The following CFAP70 variants were observed in gnomAD, a reference collection of about 807,000 sequenced individuals.
The protein encoded by CFAP70 is cilia and flagella associated protein 70.
CFAP70 carries 81 observed loss-of-function variants against 137.6 expected under a neutral mutation model. The observed-to-expected ratio is 0.59, with a 90% CI of 0.49 to 0.71. CFAP70 has a LOEUF of 0.71. Among genes scored for constraint, CFAP70 ranks in the 30% least tolerant of loss-of-function variants. The pLI is 0.00. For missense variants in CFAP70, 976 were observed against 1,226.7 expected (o/e 0.80, Z 3.05); for synonymous variants, 382 against 423.6 (o/e 0.90, Z 1.20).
intron 5 of CFAP70, among the ~76,000 whole-genome samples, chr10:73,342,484 T>C (rs527778551): frequency 2.2e-4 from 33 of 152,154 alleles, no homozygotes; most frequent in African/African-American, 7.9e-4. Flanking sequence ...TCAAGGTTAC[T>C]GTAATCTATG....
chr10:73,308,096 G>A (rs760810036), intron 12 of CFAP70, among the ~76,000 whole-genome samples: 15 of 151,288 alleles, frequency 9.9e-5, no homozygotes, highest in South Asian at 4.2e-4. Flanking sequence ...CAGAGGTTGC[G>A]GTGAGCCAAG....
At chr10:73,270,708 G>T (rs1242328275) in intron 24 of CFAP70, among the ~76,000 whole-genome samples, 1 of 150,872 alleles carries the variant, frequency 6.6e-6, no homozygotes, top group African/African-American at 2.4e-5. Flanking sequence ...GCTAATTTTT[G>T]TATTTTTAGT....
At chr10:73,258,927 C>T (rs1174827082) in intron 25 of CFAP70, among the ~76,000 whole-genome samples, 4 of 152,202 alleles carry the variant, frequency 2.6e-5, no homozygotes, top group Admixed American at 6.5e-5. Context: ...ATTGATAATG[C>T]GTGCCCAGTG....
chr10:73,318,712 T>G (rs1197083936), intron 9 of CFAP70, among the ~76,000 whole-genome samples: 1 of 152,222 alleles, frequency 6.6e-6, no homozygotes, highest in Non-Finnish European at 1.5e-5. Context: ...GCTGCCTGAA[T>G]GGGTTATCAA....
At chr10:73,290,557 A>T (rs997318386) in intron 19 of CFAP70, among the ~76,000 whole-genome samples, 1 of 152,214 alleles carries the variant, frequency 6.6e-6, no homozygotes, top group African/African-American at 2.4e-5. Context: ...TGAAATGTCA[A>T]TTACACCTCA....
At chr10:73,299,312 AC>A (rs1163777369) in intron 13 of CFAP70, among the ~76,000 whole-genome samples, 4 of 151,992 alleles carry the variant, frequency 2.6e-5, no homozygotes, top group Admixed American at 2.6e-4. Context: ...GCCTCAAGCA[AC>A]CCTCCTGCCT....
chr10:73,272,599 T>C (rs1007695540), intron 24 of CFAP70, among the ~76,000 whole-genome samples: 12 of 152,222 alleles, frequency 7.9e-5, no homozygotes, highest in African/African-American at 2.9e-4. Flanking sequence ...ATTTCTTTAA[T>C]TGACTTGAAT....
intron 25 of CFAP70, among the ~76,000 whole-genome samples, chr10:73,266,946 C>A (rs2045834726): frequency 6.7e-6 from 1 of 149,512 alleles, no homozygotes; most frequent in Non-Finnish European, 1.5e-5. Flanking sequence ...CCCTTTACTA[C>A]TTTATTTATT....
intron 19 of CFAP70, among the ~76,000 whole-genome samples, chr10:73,283,932 G>A (rs1215358494): frequency 6.6e-6 from 1 of 152,170 alleles, no homozygotes; most frequent in Non-Finnish European, 1.5e-5. Context: ...TTTAAAGTCA[G>A]TCTATGTCTT....
intron 12 of CFAP70, among the ~76,000 whole-genome samples, chr10:73,299,948 G>A (rs146292756): frequency 3.5e-4 from 53 of 152,218 alleles, no homozygotes; most frequent in African/African-American, 8.2e-4. Context: ...TTACCCTTAC[G>A]TATTTAAAAA....
chr10:73,341,569 T>C (rs894333355), exon 6 of CFAP70: 14 of 1,613,634 alleles, frequency 8.7e-6, no homozygotes, highest in Non-Finnish European at 1.1e-5. Context: ...TTAAATAAAA[T>C]GGGATAGTCC....
chr10:73,268,671 A>G (rs886824792), intron 25 of CFAP70, among the ~76,000 whole-genome samples: 4 of 146,118 alleles, frequency 2.7e-5, no homozygotes, highest in African/African-American at 1.0e-4. Context: ...TGGGGTAAGA[A>G]CTCTTTTTAT....
intron 15 of CFAP70, chr10:73,296,723 GAATA>G (rs767791309): frequency 1.7e-4 from 31 of 177,194 alleles, no homozygotes; most frequent in Non-Finnish European, 2.7e-4. Flanking sequence ...CCTGTTCACA[GAATA>G]AATAGAATGA....
exon 17 of CFAP70, chr10:73,291,938 A>T: frequency 6.2e-7 from 1 of 1,614,170 alleles, no homozygotes; most frequent in Non-Finnish European, 8.5e-7. Context: ...TTGTGCTTTG[A>T]TGTTGTCTTC....
At chr10:73,342,624 T>C (rs1265842279) in intron 5 of CFAP70, among the ~76,000 whole-genome samples, 1 of 152,044 alleles carries the variant, frequency 6.6e-6, no homozygotes, top group Non-Finnish European at 1.5e-5. Context: ...GATAAATAAA[T>C]GGCCCTTAAA....
intron 3 of CFAP70, among the ~76,000 whole-genome samples, chr10:73,351,117 G>C (rs1231560459): frequency 2.5e-5 from 2 of 80,756 alleles, no homozygotes; most frequent in African/African-American, 1.1e-4. Context: ...ATATATGTAT[G>C]TTTTGTTTTT....
intron 9 of CFAP70, among the ~76,000 whole-genome samples, chr10:73,320,572 T>G (rs1031497203): frequency 2.6e-4 from 39 of 152,132 alleles, no homozygotes; most frequent in African/African-American, 9.4e-4. Context: ...CAAGTGATCC[T>G]CCCACCTCAG....
chr10:73,274,358 C>T, intron 23 of CFAP70, 75 bp downstream of exon 24: 1 of 1,459,852 alleles, frequency 6.9e-7, no homozygotes, highest in Non-Finnish European at 9.1e-7. Flanking sequence ...TTTTAGTCCA[C>T]ACAGATAGAT....
At chr10:73,323,160 C>G in intron 8 of CFAP70, 63 bp from the exon 10 acceptor site, 1 of 1,438,084 alleles carries the variant, frequency 7.0e-7, no homozygotes, top group Non-Finnish European at 9.2e-7. Flanking sequence ...GTATGGAGCT[C>G]TGACTCAGCA....
Sources: allele counts gnomAD v4.1 joint callset (sites outside exome capture counted in the v4.1 genomes callset), GRCh38; gene constraint gnomAD v4.1.1; transcripts MANE v1.5; gene names NCBI Gene and HGNC (gene_info 2026-07-23, HGNC 2026-07-21).